The following BNIP1 variants were observed in gnomAD, a reference collection of about 807,000 sequenced individuals.
BNIP1 encodes vesicle transport protein SEC20.
A neutral mutation model predicts 28.5 loss-of-function variants in BNIP1; 25 were observed. The observed-to-expected ratio is 0.88, with a 90% CI of 0.64 to 1.23. BNIP1 has a LOEUF of 1.23. BNIP1 is among the 50% of genes most tolerant of loss of function. BNIP1 has a pLI of 0.00. For synonymous variants in BNIP1, 118 were observed against 101.7 expected (o/e 1.16, Z -0.96); for missense variants, 276 against 277.0 (o/e 1.00, Z 0.02).
rs953892343 is a variant in BNIP1 at position 173,146,745 on chromosome 5, G to A, written c.85-121G>A. 4.9e-6 allele frequency: 3 copies of A among 615,466 alleles called. No individual in the cohort carries two copies. In the African/African-American group the frequency reaches 5.6e-5, roughly 11 times the overall value. 38.1% of individuals were successfully genotyped at this position (615,466 alleles called of 1,614,324 possible). On this transcript the variant is annotated intron_variant, in intron 1 of 5. Coordinates refer to ENST00000351486, the MANE Select transcript of BNIP1 (RefSeq NM_001205.3). ...TTGCAGAGGTAAACAGCAAAGATCA[G>A]GATGAATTATAGTTAGTATGTTAAT...
chr5:173,148,093 T>A (rs1207138270), intron 2 of BNIP1, among the ~76,000 whole-genome samples: 463 of 23,976 alleles, frequency 0.019, 28 homozygotes, highest in African/African-American at 0.046. Flanking sequence ...AATATATATA[T>A]ATATATATAT....
intron 2 of BNIP1, 45 bp from the exon 3 acceptor site, chr5:173,154,277 T>A: frequency 6.4e-7 from 1 of 1,568,732 alleles, no homozygotes. Context: ...TGCTTTCATG[T>A]TGACTTTTGA....
Position 173,146,953 on chromosome 5 carries a change from A to G in BNIP1, c.172A>G (p.Ile58Val). The change falls in exon 2 of 6, where the codon ATA becomes GTA. Residue 58 changes from isoleucine (I) to valine (V), a missense_variant. By Grantham distance (29) the Ile-to-Val change is conservative. Coordinates refer to ENST00000351486, the MANE Select transcript of BNIP1 (RefSeq NM_001205.3). The stretch of plus-strand genomic sequence containing the variant: ...GAAATTTCAACAGTTGCGTCACAGA[A>G]TACAGGTGGGTATTCTCAATTCAGT... ...KEKFQQLRHR[I>V]QDLEQLAKEQ... 6.2e-7 allele frequency: 1 copy of G among 1,612,156 alleles called. No individual in the cohort carries two copies. Among genetic ancestry groups the G allele is most frequent in the Non-Finnish European group, 8.5e-7 (1 of 1,178,274 alleles).
chr5:173,161,346 C>T (rs1329067123), intron 5 of BNIP1: 1 of 153,104 alleles, frequency 6.5e-6, no homozygotes, highest in Non-Finnish European at 1.5e-5. Context: ...TGCAGCTTAC[C>T]TGAACATCTG....
rs1561593463 is a variant in BNIP1 at position 173,148,086 on chromosome 5, ATATATATATATATATATAT to A, written c.177+1129_177+1147del. The stretch of plus-strand genomic sequence containing the variant: ...TCAAAAAAAAAAAAAAAAAAAAAAT[ATATATATATATATATATAT>A]ATATATATATATATATATATATATA... On this transcript the variant is annotated intron_variant, in intron 2 of 5. Coordinates refer to ENST00000351486, the MANE Select transcript of BNIP1 (RefSeq NM_001205.3). Among the ~76,000 whole-genome samples, 121 of 23,122 alleles carry A rather than the reference ATATATATATATATATATAT, an allele frequency of 5.2e-3. 14 individuals carry two copies. Among genetic ancestry groups the A allele is most frequent in the African/African-American group, 0.013 (59 of 4,554 alleles). 15.2% of individuals were successfully genotyped at this position (23,122 alleles called of 152,430 possible). A position where few individuals can be genotyped will look rare whatever the true frequency, so the allele number is the denominator to read the frequency against.
At chr5:173,160,624 C>T (rs952113847) in intron 5 of BNIP1, among the ~76,000 whole-genome samples, 1 of 152,124 alleles carries the variant, frequency 6.6e-6, no homozygotes, top group Admixed American at 6.5e-5. Flanking sequence ...GCAGAGGTCC[C>T]AGCCCCTCTC....
At chr5:173,163,507 A>G (rs537826208) in intron 5 of BNIP1, among the ~76,000 whole-genome samples, 1 of 151,894 alleles carries the variant, frequency 6.6e-6, no homozygotes, top group Non-Finnish European at 1.5e-5. Flanking sequence ...ATGTTCAAGG[A>G]CTCCCAGACA....
At chr5:173,151,743 T>G in intron 2 of BNIP1, 1 of 1,607,796 alleles carries the variant, frequency 6.2e-7, no homozygotes, top group Non-Finnish European at 8.5e-7. Context: ...CACCCAGTGT[T>G]TATTTCCTTC....
At chr5:173,151,392 T>G (rs542985157) in intron 2 of BNIP1, among the ~76,000 whole-genome samples, 1 of 152,036 alleles carries the variant, frequency 6.6e-6, no homozygotes, top group South Asian at 2.1e-4. Flanking sequence ...CAGCAAATTT[T>G]TGTAGTTTTT....
chr5:173,147,783 G>A (rs1759882981), intron 2 of BNIP1, among the ~76,000 whole-genome samples: 1 of 151,646 alleles, frequency 6.6e-6, no homozygotes, highest in African/African-American at 2.4e-5. Flanking sequence ...ATTGGGCTGG[G>A]CAAAGAGTTG....
At chr5:173,154,527 T>C in intron 3 of BNIP1, 114 bp downstream of exon 3, 3 of 576,936 alleles carry the variant, frequency 5.2e-6, no homozygotes, top group South Asian at 3.1e-5. Flanking sequence ...ATGGTGTCTT[T>C]TTTTTTTTTT....
chr5:173,161,631 C>T (rs1027067303), intron 5 of BNIP1: 1 of 152,138 alleles, frequency 6.6e-6, no homozygotes, highest in Non-Finnish European at 1.5e-5. Flanking sequence ...CCTTATGCCT[C>T]ACAAATTCAG....
intron 2 of BNIP1, among the ~76,000 whole-genome samples, chr5:173,148,097 T>A (rs1423062277): frequency 0.018 from 468 of 25,416 alleles, 7 homozygotes; most frequent in African/African-American, 0.029. Flanking sequence ...TATATATATA[T>A]ATATATATAT....
chr5:173,153,765 C>T (rs182341601), intron 2 of BNIP1, among the ~76,000 whole-genome samples: 247 of 152,192 alleles, frequency 1.6e-3, no homozygotes, highest in Admixed American at 5.2e-3. Flanking sequence ...TGTAACCTTT[C>T]GTGGGTTTTA....
intron 2 of BNIP1, chr5:173,151,576 A>G (rs764599627): frequency 6.3e-7 from 1 of 1,588,880 alleles, no homozygotes; most frequent in South Asian, 1.1e-5. Context: ...CCAGTTCTCT[A>G]TCAAAGGGCA....
At chr5:173,147,067 T>G in intron 2 of BNIP1, 109 bp downstream of exon 2, 1 of 833,590 alleles carries the variant, frequency 1.2e-6, no homozygotes. Context: ...AGTAAACACT[T>G]AGACAGGGAG....
At chr5:173,148,816 C>G (rs946554509) in intron 2 of BNIP1, among the ~76,000 whole-genome samples, 1 of 152,140 alleles carries the variant, frequency 6.6e-6, no homozygotes, top group Non-Finnish European at 1.5e-5. Context: ...AACTCTGGAT[C>G]TCCTGGTCAC....
At chr5:173,153,689 G>C (rs983571137) in intron 2 of BNIP1, among the ~76,000 whole-genome samples, 1 of 134,898 alleles carries the variant, frequency 7.4e-6, no homozygotes, top group Non-Finnish European at 1.6e-5. Context: ...AGCAAAAAAA[G>C]GCAAGCATCT....
At chr5:173,162,593 C>T (rs1343940534) in intron 5 of BNIP1, among the ~76,000 whole-genome samples, 2 of 151,958 alleles carry the variant, frequency 1.3e-5, no homozygotes, top group Non-Finnish European at 2.9e-5. Context: ...CACGCCACTG[C>T]ACTCCAGCCT....
Sources: gnomAD v4.1 joint callset for allele counts (sites outside exome capture counted in the v4.1 genomes callset) on GRCh38, gnomAD v4.1.1 for gene constraint, MANE v1.5 for transcripts, NCBI Gene and HGNC (gene_info 2026-07-23, HGNC 2026-07-21) for gene names.